The following RYR2 variants were observed in gnomAD, a reference collection of about 807,000 sequenced individuals.
RYR2 encodes cardiac muscle ryanodine receptor-calcium release channel.
A neutral mutation model predicts 601.1 loss-of-function variants in RYR2; 227 were observed. The ratio of observed to expected loss-of-function variants is 0.38; its 90% CI spans 0.34 to 0.42. RYR2 has a LOEUF of 0.42. Ranked by LOEUF, RYR2 falls within the 10% of genes least tolerant of loss-of-function variation. The pLI is 1.00. For missense variants in RYR2, 4,646 were observed against 6,156.5 expected (o/e 0.75, Z 8.21); for synonymous variants, 2,223 against 2,175.1 (o/e 1.02, Z -0.61).
At chr1:237,523,861 G>A (rs1418375557) in intron 24 of RYR2, among the ~76,000 whole-genome samples, 4 of 151,230 alleles carry the variant, frequency 2.6e-5, no homozygotes, top group African/African-American at 9.7e-5. Flanking sequence ...ACCATAAGAA[G>A]ATACTACCTT....
At chr1:237,492,926 A>T in intron 18 of RYR2, 28 bp from the exon 19 acceptor site, 1 of 1,528,922 alleles carries the variant, frequency 6.5e-7, no homozygotes, top group Non-Finnish European at 8.8e-7. Context: ...GGGAGGGAGG[A>T]TCAGCTGAAA....
chr1:237,110,987 A>G (rs948808516), intron 1 of RYR2, among the ~76,000 whole-genome samples: 1 of 152,190 alleles, frequency 6.6e-6, no homozygotes, highest in African/African-American at 2.4e-5. Flanking sequence ...GCACGATGCC[A>G]GGTCTCAGGC....
At chr1:237,137,095 A>G (rs1305126452) in intron 1 of RYR2, among the ~76,000 whole-genome samples, 1 of 151,752 alleles carries the variant, frequency 6.6e-6, no homozygotes, top group Non-Finnish European at 1.5e-5. Flanking sequence ...CATACTGTTC[A>G]TGGGCTATAC....
At chr1:237,220,163 G>A (rs543325138) in intron 1 of RYR2, among the ~76,000 whole-genome samples, 26 of 152,290 alleles carry the variant, frequency 1.7e-4, no homozygotes, top group African/African-American at 5.3e-4. Context: ...AGAGATTGAC[G>A]TGAGAGTCAG....
chr1:237,787,622 T>C (rs139762519), intron 91 of RYR2, among the ~76,000 whole-genome samples: 308 of 147,728 alleles, frequency 2.1e-3, no homozygotes, highest in African/African-American at 6.8e-3. Context: ...AAAAAAAGGA[T>C]TGAAATTATA....
At chr1:237,827,987 G>C (rs897959734) in intron 101 of RYR2, among the ~76,000 whole-genome samples, 2 of 140,868 alleles carry the variant, frequency 1.4e-5, no homozygotes, top group Admixed American at 1.5e-4. Flanking sequence ...AGATTTCTTC[G>C]TTTAAGTGGT....
chr1:237,359,733 C>T (rs1699614414), intron 4 of RYR2, among the ~76,000 whole-genome samples: 1 of 152,108 alleles, frequency 6.6e-6, no homozygotes, highest in African/African-American at 2.4e-5. Flanking sequence ...AGCAGCTGTG[C>T]ATCTGTTTAA....
intron 79 of RYR2, among the ~76,000 whole-genome samples, chr1:237,736,641 AGAGGAGAGAGAGAAGCAAAGGAAGGCTG>A (rs1175413859): frequency 5.3e-5 from 8 of 152,090 alleles, no homozygotes; most frequent in South Asian, 2.1e-4. Context: ...AAGGAAGGCT[AGAGGAGAGAGAGAAGCAAAGGAAGGCTG>A]GAGGAGAGAG....
intron 1 of RYR2, among the ~76,000 whole-genome samples, chr1:237,233,987 C>G (rs755403330): frequency 4.4e-4 from 67 of 152,204 alleles, no homozygotes; most frequent in Non-Finnish European, 8.1e-4. Context: ...CCACTGCACC[C>G]AGCTGACAAT....
At chr1:237,795,646 T>A (rs1659021248) in intron 96 of RYR2, among the ~76,000 whole-genome samples, 1 of 151,456 alleles carries the variant, frequency 6.6e-6, no homozygotes, top group Non-Finnish European at 1.5e-5. Flanking sequence ...AGATGGGGTT[T>A]CGCCATGTTG....
At chr1:237,590,609 G>A (rs376671846) in intron 30 of RYR2, 31 bp from the exon 31 acceptor site, 12 of 1,473,988 alleles carry the variant, frequency 8.1e-6, no homozygotes, top group Non-Finnish European at 8.1e-6. Context: ...ATGGTGATTG[G>A]AATGTGAACT....
chr1:237,820,329 A>G (rs921860186), intron 101 of RYR2, among the ~76,000 whole-genome samples: 6 of 152,124 alleles, frequency 3.9e-5, no homozygotes, highest in South Asian at 4.1e-4. Context: ...TACCCAGTTC[A>G]TCTCACTGGG....
chr1:237,126,938 G>A lies in RYR2; in HGVS notation c.48+84369G>A, dbSNP rs955513015. Among the ~76,000 whole-genome samples, 14 of 151,688 alleles carry A rather than the reference G, an allele frequency of 9.2e-5. No individual in the cohort carries two copies. The South Asian group carries it at 1.5e-3, about 16-fold the overall frequency. ...TAGGCAGAGGACCCTGTGGCCTTCCGCAGTGTTTGTGTCCCTGGGTACTTG... is the reference window on the plus strand; with the variant it reads ...TAGGCAGAGGACCCTGTGGCCTTCCACAGTGTTTGTGTCCCTGGGTACTTG... On this transcript the variant is annotated intron_variant, in intron 1 of 104. Coordinates refer to ENST00000366574, the MANE Select transcript of RYR2 (RefSeq NM_001035.3).
intron 84 of RYR2, among the ~76,000 whole-genome samples, chr1:237,768,740 T>A (rs148453436): frequency 0.011 from 1,638 of 152,284 alleles, 18 homozygotes; most frequent in Middle Eastern, 0.02. Flanking sequence ...CTACCACTTA[T>A]TTGCAGCATG....
chr1:237,221,003 G>A (rs1683742444), intron 1 of RYR2, among the ~76,000 whole-genome samples: 1 of 152,112 alleles, frequency 6.6e-6, no homozygotes, highest in South Asian at 2.1e-4. Flanking sequence ...GGCTGAGGCA[G>A]GAGAATGGCT....
At chr1:237,695,173 A>G (rs1687309122) in intron 63 of RYR2, among the ~76,000 whole-genome samples, 2 of 152,228 alleles carry the variant, frequency 1.3e-5, no homozygotes, top group South Asian at 4.1e-4. Context: ...AAAATTATTT[A>G]TAGTTATATT....
intron 6 of RYR2, among the ~76,000 whole-genome samples, chr1:237,372,514 C>G (rs1371151059): frequency 1.3e-5 from 2 of 152,034 alleles, no homozygotes; most frequent in African/African-American, 4.8e-5. Context: ...GCTGACATGT[C>G]AAGATATAAA....
intron 1 of RYR2, among the ~76,000 whole-genome samples, chr1:237,083,334 T>G (rs1665959011): frequency 6.6e-6 from 1 of 152,158 alleles, no homozygotes; most frequent in Non-Finnish European, 1.5e-5. Flanking sequence ...CAGGATCTGG[T>G]ATGTGCTTAG....
rs182804204 is a variant in RYR2 at position 237,177,397 on chromosome 1, G to T, written c.49-93100G>T. On this transcript the variant is annotated intron_variant, in intron 1 of 104. Transcript: ENST00000366574. ...CATTACTAACTTTCAGTGGTTCTCT[G>T]TAAGCATTTTCCTGATCACAATTCC... is the stretch of plus-strand genomic sequence containing the variant. 7.0e-4 allele frequency among the ~76,000 whole-genome samples: 106 copies of T among 152,270 alleles called. 1 individual carries two copies. The highest frequency in any genetic ancestry group is 5.8e-3 in the South Asian group (28 of 4,826).
Sources: allele counts gnomAD v4.1 joint callset (sites outside exome capture counted in the v4.1 genomes callset), GRCh38; gene constraint gnomAD v4.1.1; transcripts MANE v1.5; gene names NCBI Gene and HGNC (gene_info 2026-07-23, HGNC 2026-07-21).